Variants in TRHR observed in about 807,000 individuals in gnomAD.
TRHR encodes the protein thyrotropin-releasing hormone receptor.
Under a neutral mutation model 28.0 loss-of-function variants are expected in TRHR, and 14 were observed. The ratio of observed to expected loss-of-function variants is 0.50; its 90% confidence interval spans 0.33 to 0.78. The LOEUF is 0.78. Ranked by LOEUF, TRHR falls within the 30% of genes least tolerant of loss-of-function variation. TRHR has a pLI of 0.02. For missense variants in TRHR, 438 were observed against 469.5 expected, an observed-to-expected ratio of 0.93 and a Z score of 0.62; for synonymous variants, 176 against 171.9, an observed-to-expected ratio of 1.02 and a Z score of -0.18.
chr8:109,088,585 T>C (rs990998236), intron 2 of TRHR, among the ~76,000 whole-genome samples: 2 of 152,220 alleles, frequency 1.3e-5, no homozygotes, highest in Admixed American at 1.3e-4. Context: ...ACCTTTAATA[T>C]GTTTATGCCT....
chr8:109,114,606 A>G (rs1033938241), intron 2 of TRHR, among the ~76,000 whole-genome samples: 1 of 152,044 alleles, frequency 6.6e-6, no homozygotes, highest in African/African-American at 2.4e-5. Flanking sequence ...TGCAATTGGA[A>G]TTTGCACATT....
rs1016934689 is a variant in TRHR at position 109,088,394 on chromosome 8, G to A, written c.789+93G>A. 4.3e-5 allele frequency: 55 copies of A among 1,289,770 alleles called. 1 individual carries two copies. The highest frequency in any genetic ancestry group is 2.8e-4 in the South Asian group (22 of 79,750). The allele number at this position is 1,289,770 out of a possible 1,614,324, so 79.9% of individuals were successfully genotyped here. On this transcript the variant is annotated intron_variant, in intron 2 of 2. Coordinates refer to ENST00000518632, the MANE Select transcript of TRHR (RefSeq NM_003301.7). ...AACTTTTCCCTGTTTAGCTGATGGC[G>A]AAACCAAAATACAATCATGCAAATG...
In TRHR at chr8:109,106,236, T is replaced by C. The variant is rs960092572; in HGVS notation, c.790-12812T>C. On this transcript the variant is annotated intron_variant, in intron 2 of 2. Transcript: ENST00000518632. ...AATCTAAAGATACAGAGTGGCATCA[T>C]GAGAAATAGCCTTCTACAACTTCAT... Among the ~76,000 whole-genome samples the C allele has an allele frequency of 6.6e-5, 10 of 152,248 alleles. No individual in the cohort carries two copies. In the East Asian group the frequency reaches 1.5e-3, roughly 24 times the overall value.
intron 2 of TRHR, among the ~76,000 whole-genome samples, chr8:109,100,354 A>G (rs1438570323): frequency 2.6e-5 from 4 of 152,170 alleles, no homozygotes; most frequent in Non-Finnish European, 5.9e-5. Flanking sequence ...ATCTCTCTGA[A>G]TAAGTTAAAA....
chr8:109,115,501 A>G (rs2129933239), intron 2 of TRHR, among the ~76,000 whole-genome samples: 1 of 152,186 alleles, frequency 6.6e-6, no homozygotes, highest in African/African-American at 2.4e-5. Flanking sequence ...AGTGGTTTGT[A>G]GTTCTCCTTG....
intron 2 of TRHR, among the ~76,000 whole-genome samples, chr8:109,101,494 T>A (rs1235124684): frequency 6.6e-6 from 1 of 152,178 alleles, no homozygotes; most frequent in Non-Finnish European, 1.5e-5. Context: ...AAAAGAATGA[T>A]AACAGTACCT....
chr8:109,110,910 C>T (rs756851586), intron 2 of TRHR, among the ~76,000 whole-genome samples: 1 of 152,150 alleles, frequency 6.6e-6, no homozygotes, highest in Non-Finnish European at 1.5e-5. Context: ...AATCCCAGCA[C>T]TTTGGGAGGC....
intron 2 of TRHR, among the ~76,000 whole-genome samples, chr8:109,107,537 A>G (rs1288419209): frequency 2.6e-5 from 4 of 152,184 alleles, no homozygotes; most frequent in Non-Finnish European, 5.9e-5. Context: ...CATATCATCC[A>G]AAAGAGACTC....
chr8:109,116,445 G>A (rs992105763), intron 2 of TRHR, among the ~76,000 whole-genome samples: 1 of 151,962 alleles, frequency 6.6e-6, no homozygotes, highest in African/African-American at 2.4e-5. Context: ...ACTTTTTTTG[G>A]TTGGTAGTCT....
intron 2 of TRHR, among the ~76,000 whole-genome samples, chr8:109,089,877 C>A (rs1315359554): frequency 2.6e-5 from 4 of 152,204 alleles, no homozygotes; most frequent in Admixed American, 2.6e-4. Flanking sequence ...AATTTGCATT[C>A]CTGCTATACA....
At chr8:109,088,997 T>G (rs942500183) in intron 2 of TRHR, among the ~76,000 whole-genome samples, 1 of 152,200 alleles carries the variant, frequency 6.6e-6, no homozygotes, top group African/African-American at 2.4e-5. Flanking sequence ...TTTTTCCTGC[T>G]AAGCATACCT....
intron 2 of TRHR, among the ~76,000 whole-genome samples, chr8:109,099,197 A>T (rs374945333): frequency 1.3e-5 from 2 of 152,294 alleles, no homozygotes; most frequent in Admixed American, 6.5e-5. Context: ...GAAATATGGG[A>T]TTGGAAGTGA....
intron 2 of TRHR, among the ~76,000 whole-genome samples, chr8:109,102,991 T>G (rs1811699198): frequency 6.6e-6 from 1 of 152,116 alleles, no homozygotes; most frequent in Non-Finnish European, 1.5e-5. Context: ...TATTTAGCAC[T>G]CTATTCCCCT....
At chr8:109,105,661 T>C (rs1334534054) in intron 2 of TRHR, among the ~76,000 whole-genome samples, 1 of 152,108 alleles carries the variant, frequency 6.6e-6, no homozygotes, top group Non-Finnish European at 1.5e-5. Flanking sequence ...AATGCTGAAA[T>C]GAGAGGGGTC....
Position 109,119,452 on chromosome 8 carries a change from T to C in TRHR, c.1194T>C (p.Ser398=), listed in dbSNP as rs757025345. The C allele has an allele frequency of 1.5e-5, 24 of 1,611,586 alleles. No homozygotes were observed. Among genetic ancestry groups the C allele is most frequent in the Non-Finnish European group, 1.8e-5 (21 of 1,178,868 alleles). The change falls in exon 3 of 3, where the codon AGT becomes AGC. Residue 398 remains serine, a synonymous_variant. Transcript: ENST00000518632. ...CLASEVSFSQ[S] ...CTTCTGAGGTATCCTTTAGCCAAAG[T>C]TGATTCATGAATTAGAAGAAAATGG...
Position 109,101,437 on chromosome 8 carries a change from C to T in TRHR, c.789+13136C>T, listed in dbSNP as rs566382998. Among the ~76,000 whole-genome samples the T allele has an allele frequency of 4.5e-4, 69 of 152,184 alleles. 1 individual carries two copies. The South Asian group carries it at 0.012, about 26-fold the overall frequency. Reference sequence around the variant, plus strand: ...CCAGGTTTGGCTGCAGACTATGTGACGTGAACAAGTTAACTTACAACCTTG... The same window carrying T: ...CCAGGTTTGGCTGCAGACTATGTGATGTGAACAAGTTAACTTACAACCTTG... On this transcript the variant is annotated intron_variant, in intron 2 of 2. Transcript: ENST00000518632.
rs535224146 is a variant in TRHR at position 109,121,080 on chromosome 8, C to T, written c.*1625C>T. 4.0e-5 allele frequency among the ~76,000 whole-genome samples: 4 copies of T among 98,972 alleles called. No individual in the cohort carries two copies. Among genetic ancestry groups the T allele is most frequent in the African/African-American group, 1.8e-4 (3 of 16,946 alleles). The allele number at this position is 98,972 out of a possible 152,430, so 64.9% of individuals were successfully genotyped here. A position where few individuals can be genotyped will look rare whatever the true frequency, so the allele number is the denominator to read the frequency against. On this transcript the variant is annotated 3_prime_UTR_variant, in exon 3 of 3. Coordinates refer to ENST00000518632, the MANE Select transcript of TRHR (RefSeq NM_003301.7). ...CTATCCAGAACCTCATTCTAGAGTG[C>T]GCTTTTTTTTTTTTGAAAATTGGCC... is the stretch of plus-strand genomic sequence containing the variant.
At chr8:109,117,359 G>A (rs1439257510) in intron 2 of TRHR, among the ~76,000 whole-genome samples, 3 of 151,770 alleles carry the variant, frequency 2.0e-5, no homozygotes, top group Admixed American at 6.6e-5. Flanking sequence ...TTCTTCACAT[G>A]CAAAATGAAA....
Position 109,092,927 on chromosome 8 carries a change from A to G in TRHR, c.789+4626A>G, listed in dbSNP as rs1283100065. 5.3e-5 allele frequency among the ~76,000 whole-genome samples: 8 copies of G among 151,550 alleles called. No homozygotes were observed. The East Asian group carries it at 1.4e-3, about 26-fold the overall frequency. Reference sequence around the variant, plus strand: ...ATCATTTTGTTATACCGCTTTTCTTATGTTTTCACTGGATCTTTTTTTTTT... The same window carrying G: ...ATCATTTTGTTATACCGCTTTTCTTGTGTTTTCACTGGATCTTTTTTTTTT... On this transcript the variant is annotated intron_variant, in intron 2 of 2. Coordinates refer to ENST00000518632, the MANE Select transcript of TRHR (RefSeq NM_003301.7).
Sources: gnomAD v4.1 joint callset for allele counts (sites outside exome capture counted in the v4.1 genomes callset) on GRCh38, gnomAD v4.1.1 for gene constraint, MANE v1.5 for transcripts, NCBI Gene and HGNC (gene_info 2026-07-23, HGNC 2026-07-21) for gene names.